The following MYO1E variants were observed in gnomAD, a reference collection of about 807,000 sequenced individuals.
MYO1E encodes the protein myosin IE.
MYO1E carries 68 observed loss-of-function variants against 151.1 expected under a neutral mutation model. That is an observed-to-expected ratio of 0.45 (90% CI 0.37 to 0.55). MYO1E has a LOEUF of 0.55. Ranked by LOEUF, MYO1E falls within the 20% of genes least tolerant of loss-of-function variation. MYO1E has a pLI of 0.00. For synonymous variants in MYO1E, 601 were observed against 501.7 expected (o/e 1.20, Z -2.64); for missense variants, 1,363 against 1,389.3 (o/e 0.98, Z 0.30).
chr15:59,137,450 G>A lies in MYO1E; in HGVS notation c.3257C>T (p.Ser1086Phe). The A allele has an allele frequency of 1.9e-6, 3 of 1,614,140 alleles. No individual in the cohort carries two copies. The highest frequency in any genetic ancestry group is 1.7e-6 in the Non-Finnish European group (2 of 1,179,968). ...DIIDIIKEDPSGWWTGRLRGK... is the reference protein window; with the variant it reads ...DIIDIIKEDPFGWWTGRLRGK... ...TCGTAGTCGACCCGTCCACCAGCCA[G>A]AAGGATCTGCAGGGAGAGAGAGGTG... Residue 1086 changes from serine to phenylalanine, a missense_variant, in exon 28 of 28, where the codon TCT becomes TTT. Transcript: ENST00000288235.
chr15:59,306,948 G>T (rs553392075), intron 1 of MYO1E, among the ~76,000 whole-genome samples: 22 of 152,264 alleles, frequency 1.4e-4, no homozygotes, highest in Middle Eastern at 3.4e-3. Flanking sequence ...TCTCATTCCT[G>T]TATCTTTGCA....
chr15:59,222,657 T>G (rs2079963058), intron 9 of MYO1E, among the ~76,000 whole-genome samples: 1 of 152,190 alleles, frequency 6.6e-6, no homozygotes, highest in South Asian at 2.1e-4. Context: ...TTAAAACCTG[T>G]AAGTGAATTT....
intron 8 of MYO1E, among the ~76,000 whole-genome samples, chr15:59,223,609 G>A (rs1188574434): frequency 1.3e-5 from 2 of 152,138 alleles, no homozygotes; most frequent in African/African-American, 2.4e-5. Context: ...GCTTCCCCTC[G>A]AAGGTCGCTG....
intron 16 of MYO1E, among the ~76,000 whole-genome samples, chr15:59,195,800 G>C (rs545699439): frequency 2.0e-5 from 3 of 152,156 alleles, no homozygotes; most frequent in Admixed American, 6.5e-5. Flanking sequence ...AAAGCAACTA[G>C]GCATTTTCAG....
intron 1 of MYO1E, among the ~76,000 whole-genome samples, chr15:59,277,812 G>C (rs2080330090): frequency 6.6e-6 from 1 of 152,182 alleles, no homozygotes; most frequent in African/African-American, 2.4e-5. Context: ...CTGTTTCATT[G>C]AAAGAGTAGT....
intron 12 of MYO1E, 108 bp from the exon 13 acceptor site, chr15:59,210,708 T>A (rs2079873581): frequency 2.6e-6 from 2 of 761,262 alleles, no homozygotes; most frequent in South Asian, 3.0e-5. Context: ...AACCTGAATG[T>A]CCTGCAACAA....
chr15:59,309,750 G>A (rs1292617028), intron 1 of MYO1E, among the ~76,000 whole-genome samples: 2 of 152,140 alleles, frequency 1.3e-5, no homozygotes, highest in Non-Finnish European at 2.9e-5. Flanking sequence ...GTTGCCCTTC[G>A]GTTTCTTCCA....
rs1254170449 is a variant in MYO1E at position 59,134,693 on chromosome 15, A to G, written c.*2687T>C. ...TTTTTATACTGTGTTTGATACTGCT[A>G]TACACGTTGCTGTGTGTGCACATGA... On this transcript the variant is annotated 3_prime_UTR_variant, in exon 28 of 28. Coordinates refer to ENST00000288235, the MANE Select transcript of MYO1E (RefSeq NM_004998.4). 4 of 152,220 alleles carry G rather than the reference A, an allele frequency of 2.6e-5. No homozygotes were observed. The highest frequency in any genetic ancestry group is 5.9e-5 in the Non-Finnish European group (4 of 68,054). The allele number at this position is 152,220 out of a possible 1,614,324, so 9.4% of individuals were successfully genotyped here. A position where few individuals can be genotyped will look rare whatever the true frequency, so the allele number is the denominator to read the frequency against.
intron 1 of MYO1E, among the ~76,000 whole-genome samples, chr15:59,327,581 T>C (rs902180944): frequency 2.0e-5 from 3 of 152,152 alleles, no homozygotes; most frequent in Admixed American, 6.5e-5. Flanking sequence ...TCCAAAAGTA[T>C]TGGGATTGCA....
rs2079367115 is a variant in MYO1E, at chr15:59,135,539, TCA to T, written c.*1839_*1840del. On this transcript the variant is annotated 3_prime_UTR_variant, in exon 28 of 28. Coordinates refer to ENST00000288235, the MANE Select transcript of MYO1E (RefSeq NM_004998.4). ...GTCAACAGGATTACCTTTCCTCAAC[TCA>T]CCGCATCATGGCTCTACTTTCCTCT... The T allele has an allele frequency of 6.6e-6, 1 of 152,214 alleles. No homozygotes were observed. The highest frequency in any genetic ancestry group is 2.1e-4 in the South Asian group (1 of 4,826). 9.4% of individuals were successfully genotyped at this position (152,214 alleles called of 1,614,324 possible). A position where few individuals can be genotyped will look rare whatever the true frequency, so the allele number is the denominator to read the frequency against.
chr15:59,252,836 A>G (rs1441357290), intron 4 of MYO1E, among the ~76,000 whole-genome samples: 1 of 152,194 alleles, frequency 6.6e-6, no homozygotes, highest in Non-Finnish European at 1.5e-5. Context: ...CGGTGAGCTG[A>G]GATCACACCA....
intron 1 of MYO1E, among the ~76,000 whole-genome samples, chr15:59,352,499 T>C (rs1429754509): frequency 6.6e-6 from 1 of 152,174 alleles, no homozygotes; most frequent in African/African-American, 2.4e-5. Flanking sequence ...TAAATACGCA[T>C]GTGTCTAGAA....
chr15:59,335,568 G>T lies in MYO1E; in HGVS notation c.3+36930C>A, dbSNP rs188752610. On this transcript the variant is annotated intron_variant, in intron 1 of 27. Coordinates refer to ENST00000288235, the MANE Select transcript of MYO1E (RefSeq NM_004998.4). The stretch of plus-strand genomic sequence containing the variant: ...CACCATTGTCCCACACATAAGCCAG[G>T]GCTGGAAAAGTACAAGAGACCCGGC... 3.1e-3 allele frequency among the ~76,000 whole-genome samples: 473 copies of T among 152,224 alleles called. 2 individuals carry two copies. Among genetic ancestry groups the T allele is most frequent in the African/African-American group, 0.011 (458 of 41,526 alleles).
At chr15:59,229,041 C>G (rs541039445) in intron 6 of MYO1E, among the ~76,000 whole-genome samples, 2 of 152,354 alleles carry the variant, frequency 1.3e-5, no homozygotes, top group Admixed American at 1.3e-4. Flanking sequence ...GAAAAGCTCA[C>G]TGAAAGAGAG....
intron 1 of MYO1E, among the ~76,000 whole-genome samples, chr15:59,324,667 C>CCCG (rs2080651580): frequency 6.7e-6 from 1 of 150,166 alleles, no homozygotes; most frequent in Admixed American, 6.6e-5. Context: ...TCCCAAGCCC[C>CCCG]CCCCCCACAG....
intron 17 of MYO1E, among the ~76,000 whole-genome samples, chr15:59,188,728 T>TA (rs1461912744): frequency 2.6e-5 from 4 of 151,742 alleles, no homozygotes; most frequent in Admixed American, 2.6e-4. Context: ...AATAAATAAA[T>TA]AAAAATACAG....
At chr15:59,163,109 C>A (rs2079546817) in intron 23 of MYO1E, 48 bp downstream of exon 23, 1 of 1,607,404 alleles carries the variant, frequency 6.2e-7, no homozygotes, top group South Asian at 1.1e-5. Context: ...GCGATCAAGA[C>A]CCCTTTTTAG....
intron 1 of MYO1E, among the ~76,000 whole-genome samples, chr15:59,346,693 C>T (rs543024243): frequency 6.6e-4 from 100 of 152,166 alleles, no homozygotes; most frequent in African/African-American, 2.4e-3. Context: ...TTTGGAGGAT[C>T]ACTAGAGCCC....
At chr15:59,220,144 G>C (rs1386440379) in intron 9 of MYO1E, among the ~76,000 whole-genome samples, 2 of 152,168 alleles carry the variant, frequency 1.3e-5, no homozygotes, top group Non-Finnish European at 2.9e-5. Context: ...TCTAAGGTCA[G>C]GTAAAAAAAA....
Sources: gnomAD v4.1 joint callset for allele counts (sites outside exome capture counted in the v4.1 genomes callset) on GRCh38, gnomAD v4.1.1 for gene constraint, MANE v1.5 for transcripts, NCBI Gene and HGNC (gene_info 2026-07-23, HGNC 2026-07-21) for gene names.